CRADD: variants seen among roughly 807,000 people sequenced by gnomAD.
CRADD encodes death domain-containing protein CRADD.
In CRADD, 9 loss-of-function variants were observed where a neutral mutation model predicts 15.5. That is an observed-to-expected ratio of 0.58 (90% CI 0.35 to 1.01). The LOEUF is 1.01. Among genes scored for constraint, CRADD ranks in the 50% least tolerant of loss-of-function variants. CRADD has a pLI of 0.02. For missense variants in CRADD, 227 were observed against 250.3 expected, an observed-to-expected ratio of 0.91 and a Z score of 0.63; for synonymous variants, 118 against 107.6, an observed-to-expected ratio of 1.10 and a Z score of -0.60.
intron 2 of CRADD, among the ~76,000 whole-genome samples, chr12:93,702,169 G>A (rs1430676291): frequency 3.3e-5 from 5 of 152,200 alleles, no homozygotes; most frequent in African/African-American, 7.2e-5. Flanking sequence ...TCTTAAATGA[G>A]TGCATGCTGT....
intron 2 of CRADD, among the ~76,000 whole-genome samples, chr12:93,785,880 C>T (rs1309832372): frequency 6.6e-6 from 1 of 152,132 alleles, no homozygotes; most frequent in Non-Finnish European, 1.5e-5. Context: ...ACCATAAAGT[C>T]GTGTACTTGA....
chr12:93,781,320 A>C (rs575808509), intron 2 of CRADD, among the ~76,000 whole-genome samples: 1 of 152,354 alleles, frequency 6.6e-6, no homozygotes, highest in Non-Finnish European at 1.5e-5. Flanking sequence ...TAGGGCACCA[A>C]GTCATTGTTC....
intron 2 of CRADD, among the ~76,000 whole-genome samples, chr12:93,805,895 T>A (rs1209190459): frequency 6.6e-6 from 1 of 152,086 alleles, no homozygotes; most frequent in African/African-American, 2.4e-5. Flanking sequence ...CCTTCTGAAA[T>A]TACCCAGAGA....
intron 2 of CRADD, among the ~76,000 whole-genome samples, chr12:93,817,853 G>A (rs182638792): frequency 8.3e-4 from 126 of 152,232 alleles, no homozygotes; most frequent in African/African-American, 2.9e-3. Flanking sequence ...TTCTCTTGGG[G>A]ACCCAGAATA....
At chr12:93,822,991 C>T (rs1167328879) in intron 2 of CRADD, among the ~76,000 whole-genome samples, 1 of 152,166 alleles carries the variant, frequency 6.6e-6, no homozygotes, top group Non-Finnish European at 1.5e-5. Context: ...AAAATATACT[C>T]ATTTAAGAAT....
Position 93,845,629 on chromosome 12 carries a change from C to T in CRADD, c.299-4341C>T, listed in dbSNP as rs148931798. Among the ~76,000 whole-genome samples the T allele has an allele frequency of 4.6e-3, 705 of 151,690 alleles. 17 individuals are homozygous for T. Among genetic ancestry groups the T allele is most frequent in the Middle Eastern group, 0.01 (3 of 292 alleles). ...ACAGCTTGCAAAAATAAACATACAA[C>T]CAATCTGGTCTATAAGAAAACCCAG... On this transcript the variant is annotated intron_variant, in intron 2 of 2. Coordinates refer to ENST00000332896, the MANE Select transcript of CRADD (RefSeq NM_003805.5).
In CRADD at chr12:93,734,731, T is replaced by C. The variant is rs1279724628; in HGVS notation, c.298+55659T>C. ...TGTCTTCTGCAAATGCTAGCCTTCT[T>C]TCCTGACCTCAGAGGTATTGTGTTC... is the stretch of plus-strand genomic sequence containing the variant. On this transcript the variant is annotated intron_variant, in intron 2 of 2. Coordinates refer to ENST00000332896, the MANE Select transcript of CRADD (RefSeq NM_003805.5). Among the ~76,000 whole-genome samples, 11 of 152,300 alleles carry C rather than the reference T, an allele frequency of 7.2e-5. 1 individual carries two copies. In the South Asian group the frequency reaches 2.3e-3, roughly 32 times the overall value.
intron 2 of CRADD, among the ~76,000 whole-genome samples, chr12:93,886,381 A>T (rs56112078): frequency 0.018 from 2,742 of 149,640 alleles, 86 homozygotes; most frequent in African/African-American, 0.061. Context: ...GGCTGGTCTC[A>T]AACTCTTGAG....
At chr12:93,730,849 G>A (rs1179252086) in intron 2 of CRADD, among the ~76,000 whole-genome samples, 1 of 151,714 alleles carries the variant, frequency 6.6e-6, no homozygotes, top group African/African-American at 2.4e-5. Flanking sequence ...CCAAGTAGCT[G>A]GAATTACAGG....
rs182849883 is a variant in CRADD, at chr12:93,804,055, T to A, written c.299-45915T>A. The stretch of plus-strand genomic sequence containing the variant: ...AAGGGAGCACAGGTCTCAGAACTGT[T>A]AAGATAATAAATTTGTACTGTTTGA... On this transcript the variant is annotated intron_variant, in intron 2 of 2. Coordinates refer to ENST00000332896, the MANE Select transcript of CRADD (RefSeq NM_003805.5). Among the ~76,000 whole-genome samples, 277 of 152,192 alleles carry A rather than the reference T, an allele frequency of 1.8e-3. 1 individual carries two copies. The highest frequency in any genetic ancestry group is 3.1e-3 in the Non-Finnish European group (214 of 68,020).
intron 2 of CRADD, among the ~76,000 whole-genome samples, chr12:93,695,976 A>G (rs1265046462): frequency 6.6e-6 from 1 of 152,256 alleles, no homozygotes; most frequent in African/African-American, 2.4e-5. Context: ...CAACAGGTAT[A>G]TGAAAAAATG....
intron 2 of CRADD, among the ~76,000 whole-genome samples, chr12:93,807,704 C>T (rs1593006539): frequency 1.3e-5 from 2 of 152,164 alleles, no homozygotes; most frequent in African/African-American, 4.8e-5. Context: ...ACTGGAATGG[C>T]ACCTCCAGCT....
downstream of CRADD, among the ~76,000 whole-genome samples, chr12:93,851,006 G>A (rs540057507): frequency 2.0e-5 from 3 of 152,224 alleles, no homozygotes; most frequent in East Asian, 1.9e-4. Context: ...TTAAAAGATC[G>A]CTCGAGAAAA....
At chr12:93,892,180 G>A (rs1958580737) in intron 2 of CRADD, among the ~76,000 whole-genome samples, 1 of 152,030 alleles carries the variant, frequency 6.6e-6, no homozygotes, top group African/African-American at 2.4e-5. Context: ...CCTTCAAGGA[G>A]GCCCTGCAAA....
At position 93,807,315 on chromosome 12, in the gene CRADD, C is replaced by G. The variant is rs373095028; in HGVS notation, c.299-42655C>G. ...TAGGAGCACAGAGGGATGAACAAGG[C>G]AGACTGAAGGAGAGAATAGGAATGC... On this transcript the variant is annotated intron_variant, in intron 2 of 2. Transcript: ENST00000332896. Among the ~76,000 whole-genome samples, 4 of 152,208 alleles carry G rather than the reference C, an allele frequency of 2.6e-5. No individual in the cohort carries two copies. In the South Asian group the frequency reaches 8.3e-4, roughly 32 times the overall value.
At chr12:93,778,689 A>G (rs1957166169) in intron 2 of CRADD, among the ~76,000 whole-genome samples, 1 of 144,426 alleles carries the variant, frequency 6.9e-6, no homozygotes, top group African/African-American at 2.6e-5. Context: ...TTAACTCACT[A>G]TTCATAGCCA....
At chr12:93,685,958 A>C (rs1955422244) in intron 2 of CRADD, among the ~76,000 whole-genome samples, 1 of 151,854 alleles carries the variant, frequency 6.6e-6, no homozygotes. Context: ...GCGCCATTGC[A>C]CTCCAGCCTG....
chr12:93,809,705 A>G lies in CRADD; in HGVS notation c.299-40265A>G, dbSNP rs1258793291. On this transcript the variant is annotated intron_variant, in intron 2 of 2. Coordinates refer to ENST00000332896, the MANE Select transcript of CRADD (RefSeq NM_003805.5). ...AGTAAGGACTTTTCTTTATAATTGA[A>G]TGAACACGGAATGAATGGGCATCTT... 3.3e-5 allele frequency among the ~76,000 whole-genome samples: 5 copies of G among 152,182 alleles called. No individual in the cohort carries two copies. The East Asian group carries it at 9.6e-4, about 29-fold the overall frequency.
intron 2 of CRADD, among the ~76,000 whole-genome samples, chr12:93,883,240 A>G (rs924874614): frequency 6.6e-6 from 1 of 152,198 alleles, no homozygotes; most frequent in African/African-American, 2.4e-5. Flanking sequence ...GGTTTCTTAG[A>G]CTTCTCTTTT....
Sources: allele counts gnomAD v4.1 joint callset (sites outside exome capture counted in the v4.1 genomes callset), GRCh38; gene constraint gnomAD v4.1.1; transcripts MANE v1.5; gene names NCBI Gene and HGNC (gene_info 2026-07-23, HGNC 2026-07-21).